The following OR5A2 variants were observed in gnomAD, a reference collection of about 807,000 sequenced individuals.
OR5A2 encodes olfactory receptor family 5 subfamily A member 2.
For missense variants in OR5A2, 406 were observed against 398.9 expected, an observed-to-expected ratio of 1.02 and a Z score of -0.15; for synonymous variants, 155 against 151.1, an observed-to-expected ratio of 1.03 and a Z score of -0.19.
chr11:59,419,028 G>A lies in OR5A2; in HGVS notation c.*2951C>T, dbSNP rs1858190860. ...TAGGAGCTTGGTGAGTTAGAGTACA[G>A]GTCAAGAATGGTGGAGGAAAAAAAA... On this transcript the variant is annotated 3_prime_UTR_variant, in exon 2 of 2. Coordinates refer to ENST00000302040, the MANE Select transcript of OR5A2 (RefSeq NM_001001954.2). 1.3e-5 allele frequency: 2 copies of A among 152,050 alleles called. No individual in the cohort carries two copies. Among genetic ancestry groups the A allele is most frequent in the South Asian group, 2.1e-4 (1 of 4,822 alleles). 9.4% of individuals were successfully genotyped at this position (152,050 alleles called of 1,614,324 possible). A position where few individuals can be genotyped will look rare whatever the true frequency, so the allele number is the denominator to read the frequency against.
At chr11:59,425,438 T>A (rs1359586529) in intron 1 of OR5A2, 1 of 152,102 alleles carries the variant, frequency 6.6e-6, no homozygotes, top group Non-Finnish European at 1.5e-5. Flanking sequence ...CGGGGCCAAT[T>A]TGGGAAGGTT....
At position 59,422,081 on chromosome 11, in the gene OR5A2, G is replaced by A. The variant is rs777186860; in HGVS notation, c.873C>T (p.Tyr291=). The part of the protein sequence containing the change: ...LVIPVVNPII[Y]SFRNKEIKNA... Reference sequence around the variant, plus strand: ...TTTTAATCTCCTTATTCCTAAAACTGTAGATGATGGGATTCACCACGGGGA... The same window carrying A: ...TTTTAATCTCCTTATTCCTAAAACTATAGATGATGGGATTCACCACGGGGA... The change falls in exon 2 of 2, where the codon TAC becomes TAT. Residue 291 remains tyrosine, a synonymous_variant. Transcript: ENST00000302040. 1.2e-6 allele frequency: 2 copies of A among 1,614,036 alleles called. No homozygotes were observed. Among genetic ancestry groups the A allele is most frequent in the Non-Finnish European group, 8.5e-7 (1 of 1,179,984 alleles).
rs9988851 is a variant in OR5A2 at position 59,421,760 on chromosome 11, G to C, written c.*219C>G. The C allele has an allele frequency of 0.65, 309,427 of 476,312 alleles. 102,428 individuals are homozygous for C. The highest frequency in any genetic ancestry group is 0.74 in the South Asian group (16,664 of 22,394). The allele number at this position is 476,312 out of a possible 1,614,324, so 29.5% of individuals were successfully genotyped here. A position where few individuals can be genotyped will look rare whatever the true frequency, so the allele number is the denominator to read the frequency against. On this transcript the variant is annotated 3_prime_UTR_variant, in exon 2 of 2. Coordinates refer to ENST00000302040, the MANE Select transcript of OR5A2 (RefSeq NM_001001954.2). ...GTTTTTTGTCATGATGAAGTTTTCT[G>C]CTAGGCAGAGCATTTAAAATCTCAA...
chr11:59,422,609 G>A lies in OR5A2; in HGVS notation c.345C>T (p.Leu115=), dbSNP rs1419965060. The change falls in exon 2 of 2, where the codon CTC becomes CTT. Residue 115 remains leucine, a synonymous_variant. Transcript: ENST00000302040. ...ACCGGTCATAGGCCATAGCTGCCAGGAGAAAGCATTCAGTCAGCCCCATCC... is the reference window on the plus strand; with the variant it reads ...ACCGGTCATAGGCCATAGCTGCCAGAAGAAAGCATTCAGTCAGCCCCATCC... ...FCGMGLTECF[L]LAAMAYDRYA... is the part of the protein sequence containing the mutation. The A allele has an allele frequency of 3.1e-6, 5 of 1,614,178 alleles. No individual in the cohort carries two copies. The highest frequency in any genetic ancestry group is 3.3e-4 in the Middle Eastern group (2 of 6,062).
At position 59,421,735 on chromosome 11, in the gene OR5A2, G is replaced by GT. The variant is rs549913683; in HGVS notation, c.*243dup. On this transcript the variant is annotated 3_prime_UTR_variant, in exon 2 of 2. Coordinates refer to ENST00000302040, the MANE Select transcript of OR5A2 (RefSeq NM_001001954.2). ...AAACTCTGTTTTAACATTCCAGGAT[G>GT]TTTTTTGTCATGATGAAGTTTTCTG... is the stretch of plus-strand genomic sequence containing the variant. 2.2e-4 allele frequency: 92 copies of GT among 427,790 alleles called. 1 individual carries two copies. Among genetic ancestry groups the GT allele is most frequent in the South Asian group, 7.9e-4 (15 of 18,940 alleles). The allele number at this position is 427,790 out of a possible 1,614,324, so 26.5% of individuals were successfully genotyped here. A position where few individuals can be genotyped will look rare whatever the true frequency, so the allele number is the denominator to read the frequency against.
rs561881414 is a variant in OR5A2, at chr11:59,417,354, G to A, written c.*4625C>T. 6.6e-6 allele frequency: 1 copy of A among 152,158 alleles called. No individual in the cohort carries two copies. The highest frequency in any genetic ancestry group is 1.9e-4 in the East Asian group (1 of 5,142). 9.4% of individuals were successfully genotyped at this position (152,158 alleles called of 1,614,324 possible). A position where few individuals can be genotyped will look rare whatever the true frequency, so the allele number is the denominator to read the frequency against. ...GCTATTTATTTGCCTGTACAAAAGA[G>A]TGAACTCTTATCCCTGGCCAGGCCC... is the stretch of plus-strand genomic sequence containing the variant. On this transcript the variant is annotated 3_prime_UTR_variant, in exon 2 of 2. Coordinates refer to ENST00000302040, the MANE Select transcript of OR5A2 (RefSeq NM_001001954.2).
rs1858224797 is a variant in OR5A2 at position 59,421,864 on chromosome 11, A to C, written c.*115T>G. On this transcript the variant is annotated 3_prime_UTR_variant, in exon 2 of 2. Transcript: ENST00000302040. ...AGCCAACAGGCAAACTATTAGTGAA[A>C]TCTTAAGCAGGAGGGAAAAAAGCCT... The C allele has an allele frequency of 8.5e-7, 1 of 1,182,352 alleles. No homozygotes were observed. The highest frequency in any genetic ancestry group is 2.3e-5 in the Admixed American group (1 of 43,436). 73.2% of individuals were successfully genotyped at this position (1,182,352 alleles called of 1,614,324 possible). A position where few individuals can be genotyped will look rare whatever the true frequency, so the allele number is the denominator to read the frequency against.
At position 59,418,366 on chromosome 11, in the gene OR5A2, A is replaced by C. The variant is rs1055375622; in HGVS notation, c.*3613T>G. 2 of 152,164 alleles carry C rather than the reference A, an allele frequency of 1.3e-5. No homozygotes were observed. Among genetic ancestry groups the C allele is most frequent in the Non-Finnish European group, 2.9e-5 (2 of 68,014 alleles). 9.4% of individuals were successfully genotyped at this position (152,164 alleles called of 1,614,324 possible). ...AAAATTAAATCTGTCATTCTGGCTT[A>C]TGCAGATAGCTATTCTGAGCTTGGT... On this transcript the variant is annotated 3_prime_UTR_variant, in exon 2 of 2. Coordinates refer to ENST00000302040, the MANE Select transcript of OR5A2 (RefSeq NM_001001954.2).
Position 59,422,948 on chromosome 11 carries a change from A to G in OR5A2, c.6T>C (p.Ala2=). 6.2e-7 allele frequency: 1 copy of G among 1,611,816 alleles called. No individual in the cohort carries two copies. The highest frequency in any genetic ancestry group is 8.5e-7 in the Non-Finnish European group (1 of 1,178,762). The part of the protein sequence containing the change: M[A]VGRNNTIVTK... ...TCACAATTGTGTTGTTCCTTCCTAC[A>G]GCCATAGGCCTGCTTCCTGCATAAA... The change falls in exon 2 of 2, where the codon GCT becomes GCC. Residue 2 remains alanine (A), a synonymous_variant. Transcript: ENST00000302040.
chr11:59,422,642 G>A lies in OR5A2; in HGVS notation c.312C>T (p.Val104=). Residue 104 remains valine (V), a synonymous_variant, in exon 2 of 2, where the codon GTC becomes GTT. Coordinates refer to ENST00000302040, the MANE Select transcript of OR5A2 (RefSeq NM_001001954.2). ...ATTCAGTCAGCCCCATCCCACAGAA[G>A]ACAAAGTACTGAGTGGCACAGCCAA... ...SFVGCATQYF[V]FCGMGLTECF... 1 of 1,614,190 alleles carries A rather than the reference G, an allele frequency of 6.2e-7. No homozygotes were observed. Among genetic ancestry groups the A allele is most frequent in the Non-Finnish European group, 8.5e-7 (1 of 1,180,030 alleles).
At position 59,421,886 on chromosome 11, in the gene OR5A2, G is replaced by C; in HGVS notation, c.*93C>G. The C allele has an allele frequency of 1.5e-6, 2 of 1,348,266 alleles. No individual in the cohort carries two copies. The highest frequency in any genetic ancestry group is 2.9e-5 in the African/African-American group (2 of 68,914). The allele number at this position is 1,348,266 out of a possible 1,614,324, so 83.5% of individuals were successfully genotyped here. A position where few individuals can be genotyped will look rare whatever the true frequency, so the allele number is the denominator to read the frequency against. ...GAAATCTTAAGCAGGAGGGAAAAAA[G>C]CCTGATTCCCACAATTCATTCTATA... On this transcript the variant is annotated 3_prime_UTR_variant, in exon 2 of 2. Coordinates refer to ENST00000302040, the MANE Select transcript of OR5A2 (RefSeq NM_001001954.2).
Position 59,417,068 on chromosome 11 carries a change from C to T in OR5A2, c.*4911G>A, listed in dbSNP as rs759714419. ...ATGCATGCCAATTTTTCTATGCATGCTGACATTTAAGTCTAGTTTGACATC... is the reference window on the plus strand; with the variant it reads ...ATGCATGCCAATTTTTCTATGCATGTTGACATTTAAGTCTAGTTTGACATC... On this transcript the variant is annotated 3_prime_UTR_variant, in exon 2 of 2. Coordinates refer to ENST00000302040, the MANE Select transcript of OR5A2 (RefSeq NM_001001954.2). The T allele has an allele frequency of 6.6e-6, 1 of 152,048 alleles. No individual in the cohort carries two copies. Among genetic ancestry groups the T allele is most frequent in the African/African-American group, 2.4e-5 (1 of 41,422 alleles). The allele number at this position is 152,048 out of a possible 1,614,324, so 9.4% of individuals were successfully genotyped here.
rs776906312 is a variant in OR5A2 at position 59,422,021 on chromosome 11, C to G, written c.933G>C (p.Gly311=). 1.2e-6 allele frequency: 2 copies of G among 1,613,442 alleles called. No homozygotes were observed. Among genetic ancestry groups the G allele is most frequent in the Admixed American group, 1.7e-5 (1 of 59,964 alleles). Residue 311 remains glycine, a synonymous_variant, in exon 2 of 2, where the codon GGG becomes GGC. Coordinates refer to ENST00000302040, the MANE Select transcript of OR5A2 (RefSeq NM_001001954.2). ...AMRKAMERDP[G]ISHGGPFIFM... ...AAATGAATGGTCCACCGTGAGAAATCCCGGGGTCCCTTTCCATGGCTTTCC... is the reference window on the plus strand; with the variant it reads ...AAATGAATGGTCCACCGTGAGAAATGCCGGGGTCCCTTTCCATGGCTTTCC...
In OR5A2 at chr11:59,418,867, ATC is replaced by A. The variant is rs1858188662; in HGVS notation, c.*3110_*3111del. 6.6e-6 allele frequency: 1 copy of A among 152,148 alleles called. No individual in the cohort carries two copies. The highest frequency in any genetic ancestry group is 2.1e-4 in the South Asian group (1 of 4,834). The allele number at this position is 152,148 out of a possible 1,614,324, so 9.4% of individuals were successfully genotyped here. A position where few individuals can be genotyped will look rare whatever the true frequency, so the allele number is the denominator to read the frequency against. ...TTTTTATGAAGACTTTTTATTCAGAATCTCTGTTCATCAAAAAAGTTTAGAGA... is the reference window on the plus strand; with the variant it reads ...TTTTTATGAAGACTTTTTATTCAGAATCTGTTCATCAAAAAAGTTTAGAGA... On this transcript the variant is annotated 3_prime_UTR_variant, in exon 2 of 2. Coordinates refer to ENST00000302040, the MANE Select transcript of OR5A2 (RefSeq NM_001001954.2).
rs757538319 is a variant in OR5A2 at position 59,422,892 on chromosome 11, TG to T, written c.61del (p.His21IlefsTer4). On this transcript the variant is annotated frameshift_variant, in exon 2 of 2. Coordinates refer to ENST00000302040, the MANE Select transcript of OR5A2 (RefSeq NM_001001954.2). LOFTEE classifies it low-confidence loss of function (END_TRUNC). Reference sequence around the variant, plus strand: ...GAAAAGGAAAATCTTCATTTGAGGATGGTCTGAAAGTCCCAGGAGAATGAAT... The same window carrying T: ...GAAAAGGAAAATCTTCATTTGAGGATGTCTGAAAGTCCCAGGAGAATGAAT... ...TKFILLGLSD[H>X]PQMKIFLFML... is the part of the protein sequence containing the mutation. The T allele has an allele frequency of 6.2e-7, 1 of 1,614,162 alleles. No individual in the cohort carries two copies. The highest frequency in any genetic ancestry group is 8.5e-7 in the Non-Finnish European group (1 of 1,179,992).
At chr11:59,425,985 C>T (rs1028748079) in intron 1 of OR5A2, 186 bp downstream of exon 1, 2 of 152,120 alleles carry the variant, frequency 1.3e-5, no homozygotes, top group African/African-American at 2.4e-5. Flanking sequence ...TTATTTAGTA[C>T]TTATTGTGTG....
Position 59,418,537 on chromosome 11 carries a change from G to A in OR5A2, c.*3442C>T, listed in dbSNP as rs1343878717. The A allele has an allele frequency of 2.6e-5, 4 of 151,906 alleles. No individual in the cohort carries two copies. Among genetic ancestry groups the A allele is most frequent in the African/African-American group, 7.3e-5 (3 of 41,360 alleles). The allele number at this position is 151,906 out of a possible 1,614,324, so 9.4% of individuals were successfully genotyped here. ...GTTTCACCTCCTCCTCCTTCAAATG[G>A]CTATAAAATGCCTGATTCCTTAAGG... On this transcript the variant is annotated 3_prime_UTR_variant, in exon 2 of 2. Transcript: ENST00000302040.
rs1858169916 is a variant in OR5A2, at chr11:59,417,505, T to TAAGACCTCCTATA, written c.*4473_*4474insTATAGGAGGTCTT. The TAAGACCTCCTATA allele has an allele frequency of 6.6e-6, 1 of 152,012 alleles. No individual in the cohort carries two copies. Among genetic ancestry groups the TAAGACCTCCTATA allele is most frequent in the Non-Finnish European group, 1.5e-5 (1 of 68,008 alleles). 9.4% of individuals were successfully genotyped at this position (152,012 alleles called of 1,614,324 possible). On this transcript the variant is annotated 3_prime_UTR_variant, in exon 2 of 2. Transcript: ENST00000302040. The stretch of plus-strand genomic sequence containing the variant: ...ACCTGGCTTATCATCCCCAGGGGGT[T>TAAGACCTCCTATA]TGAAAATGTTATAGACATGAGGACA...
At position 59,419,239 on chromosome 11, in the gene OR5A2, C is replaced by T. The variant is rs542711256; in HGVS notation, c.*2740G>A. ...TGATATGTCTCAATTGGAGTGGATA[C>T]CCTAAACTTATTTCTTTGGTCTCTT... On this transcript the variant is annotated 3_prime_UTR_variant, in exon 2 of 2. Transcript: ENST00000302040. The T allele has an allele frequency of 7.9e-5, 12 of 152,180 alleles. No individual in the cohort carries two copies. Among genetic ancestry groups the T allele is most frequent in the African/African-American group, 2.9e-4 (12 of 41,538 alleles). 9.4% of individuals were successfully genotyped at this position (152,180 alleles called of 1,614,324 possible).
Sources: allele counts gnomAD v4.1 joint callset, GRCh38; gene constraint gnomAD v4.1.1; transcripts MANE v1.5; gene names NCBI Gene and HGNC (gene_info 2026-07-23, HGNC 2026-07-21).